Variants in WDR82 observed in about 807,000 individuals in gnomAD.
WDR82 encodes the protein WD repeat-containing protein 82.
Under a neutral mutation model 36.1 loss-of-function variants are expected in WDR82, and 8 were observed. That is an observed-to-expected ratio of 0.22 (90% CI 0.13 to 0.40). The LOEUF is 0.40. Among genes scored for constraint, WDR82 ranks in the 10% least tolerant of loss-of-function variants. The probability of loss-of-function intolerance (pLI) is 1.00; values close to 1 mark genes in which losing one functional copy is unlikely to be tolerated. For missense variants in WDR82, 185 were observed against 400.5 expected, an observed-to-expected ratio of 0.46 and a Z score of 4.59; for synonymous variants, 129 against 137.8, an observed-to-expected ratio of 0.94 and a Z score of 0.45.
At chr3:52,263,262 G>A (rs1419900124) in intron 3 of WDR82, among the ~76,000 whole-genome samples, 3 of 152,172 alleles carry the variant, frequency 2.0e-5, no homozygotes, top group East Asian at 1.9e-4. Flanking sequence ...GACCCCGACC[G>A]TAAGGAATTT....
rs1345923828 is a variant in WDR82, at chr3:52,278,614, G to C, written c.-253C>G. ...ACAACCGGCGCGTCGCCGGCTCATTGTGTCCGCCATTTTGGGGCGACAGGC... is the reference window on the plus strand; with the variant it reads ...ACAACCGGCGCGTCGCCGGCTCATTCTGTCCGCCATTTTGGGGCGACAGGC... On this transcript the variant is annotated 5_prime_UTR_variant, in exon 1 of 9. Coordinates refer to ENST00000296490, the MANE Select transcript of WDR82 (RefSeq NM_025222.4). 5.0e-6 allele frequency: 2 copies of C among 399,984 alleles called. No individual in the cohort carries two copies. Among genetic ancestry groups the C allele is most frequent in the Non-Finnish European group, 8.8e-6 (2 of 227,704 alleles). The allele number at this position is 399,984 out of a possible 1,614,324, so 24.8% of individuals were successfully genotyped here. A position where few individuals can be genotyped will look rare whatever the true frequency, so the allele number is the denominator to read the frequency against.
intron 3 of WDR82, among the ~76,000 whole-genome samples, chr3:52,264,662 G>A (rs1481758158): frequency 6.6e-6 from 1 of 152,014 alleles, no homozygotes; most frequent in Admixed American, 6.6e-5. Flanking sequence ...AGGCAACAAA[G>A]GAAAGGCCAA....
intron 3 of WDR82, among the ~76,000 whole-genome samples, chr3:52,265,090 C>T (rs907697530): frequency 2.6e-5 from 4 of 151,654 alleles, no homozygotes; most frequent in Non-Finnish European, 5.9e-5. Context: ...CTGAGGCGGG[C>T]GGATCAGGGA....
At chr3:52,260,979 G>C (rs997959474) in intron 4 of WDR82, among the ~76,000 whole-genome samples, 1 of 152,174 alleles carries the variant, frequency 6.6e-6, no homozygotes, top group African/African-American at 2.4e-5. Flanking sequence ...TACAAAATTA[G>C]CCAGACATGG....
chr3:52,273,164 C>T (rs894518576), intron 1 of WDR82, among the ~76,000 whole-genome samples: 2 of 152,224 alleles, frequency 1.3e-5, no homozygotes, highest in African/African-American at 4.8e-5. Context: ...GGCGCAGTGG[C>T]TCACGCCTGT....
At chr3:52,267,838 A>G (rs1469926729) in intron 2 of WDR82, 1 of 154,434 alleles carries the variant, frequency 6.5e-6, no homozygotes, top group Non-Finnish European at 1.4e-5. Context: ...ATAGAAAAGT[A>G]TTATCCCCTT....
At chr3:52,272,068 C>CTGTATT (rs1700159133) in intron 1 of WDR82, among the ~76,000 whole-genome samples, 1 of 152,102 alleles carries the variant, frequency 6.6e-6, no homozygotes, top group Non-Finnish European at 1.5e-5. Flanking sequence ...ACAGCCTCTG[C>CTGTATT]GACAGAGTGA....
rs1699990806 is a variant in WDR82 at position 52,254,906 on chromosome 3, C to T, written c.*2584G>A. 2 of 152,134 alleles carry T rather than the reference C, an allele frequency of 1.3e-5. No homozygotes were observed. 9.4% of individuals were successfully genotyped at this position (152,134 alleles called of 1,614,324 possible). A position where few individuals can be genotyped will look rare whatever the true frequency, so the allele number is the denominator to read the frequency against. ...CTTAATTCAGGAGGCAGCTTTGCAA[C>T]CACAGGGCCCAACGATAGAGACTGT... On this transcript the variant is annotated 3_prime_UTR_variant, in exon 9 of 9. Coordinates refer to ENST00000296490, the MANE Select transcript of WDR82 (RefSeq NM_025222.4).
At chr3:52,269,107 G>A (rs764638480) in intron 2 of WDR82, among the ~76,000 whole-genome samples, 2 of 152,160 alleles carry the variant, frequency 1.3e-5, no homozygotes, top group Admixed American at 6.5e-5. Flanking sequence ...GAGCCACTAT[G>A]TAGCCACCGG....
Position 52,261,852 on chromosome 3 carries a change from G to C in WDR82, c.327-373C>G, listed in dbSNP as rs143735368. On this transcript the variant is annotated intron_variant, in intron 3 of 8. Coordinates refer to ENST00000296490, the MANE Select transcript of WDR82 (RefSeq NM_025222.4). The stretch of plus-strand genomic sequence containing the variant: ...ATGTAAAAATGGTACAGTTGCTTTG[G>C]AAAAGTTTTTCCAAAAAAAGTTACC... Among the ~76,000 whole-genome samples, 603 of 152,184 alleles carry C rather than the reference G, an allele frequency of 4.0e-3. 5 individuals carry two copies. Among genetic ancestry groups the C allele is most frequent in the South Asian group, 0.023 (113 of 4,824 alleles).
intron 2 of WDR82, chr3:52,268,392 A>T (rs1227005241): frequency 4.2e-6 from 2 of 471,074 alleles, no homozygotes; most frequent in Admixed American, 4.7e-5. Context: ...GGAGCGCTGG[A>T]GGAACTCTTC....
chr3:52,270,909 AGGATTTTT>A (rs1700147518), intron 1 of WDR82, 100 bp from the exon 2 acceptor site: 5 of 876,692 alleles, frequency 5.7e-6, no homozygotes, highest in Non-Finnish European at 8.6e-6. Context: ...GGCAAAGGTG[AGGATTTTT>A]GGTAAGTTCT....
chr3:52,254,662 C>T lies in WDR82; in HGVS notation c.*2828G>A, dbSNP rs1276174147. The stretch of plus-strand genomic sequence containing the variant: ...CCTTAATAAGCAGTAATTATAATTA[C>T]AACGGGAAATAATTTCTTTAAGTAC... On this transcript the variant is annotated 3_prime_UTR_variant, in exon 9 of 9. Coordinates refer to ENST00000296490, the MANE Select transcript of WDR82 (RefSeq NM_025222.4). The T allele has an allele frequency of 1.3e-5, 2 of 152,530 alleles. No homozygotes were observed. 9.4% of individuals were successfully genotyped at this position (152,530 alleles called of 1,614,324 possible). A position where few individuals can be genotyped will look rare whatever the true frequency, so the allele number is the denominator to read the frequency against.
intron 6 of WDR82, 61 bp from the exon 7 acceptor site, chr3:52,259,327 A>G (rs1700039666): frequency 6.7e-7 from 1 of 1,498,218 alleles, no homozygotes; most frequent in Non-Finnish European, 9.3e-7. Flanking sequence ...ACAGCTGCCT[A>G]CAAACACTGA....
At chr3:52,267,135 G>T in intron 2 of WDR82, 117 bp from the exon 3 acceptor site, 1 of 751,074 alleles carries the variant, frequency 1.3e-6, no homozygotes, top group Non-Finnish European at 2.2e-6. Context: ...TCCCAAGCAA[G>T]GCATGAATAA....
At position 52,259,686 on chromosome 3, in the gene WDR82, A is replaced by C. The variant is rs572323470; in HGVS notation, c.699+31T>G. 4.4e-6 allele frequency: 7 copies of C among 1,595,990 alleles called. No individual in the cohort carries two copies. In the African/African-American group the frequency reaches 8.1e-5, roughly 18 times the overall value. On this transcript the variant is annotated intron_variant, in intron 6 of 8. Coordinates refer to ENST00000296490, the MANE Select transcript of WDR82 (RefSeq NM_025222.4). ...CTTAGCATAGGAAGTATGAGCATGG[A>C]AACAGCCATGCTTGAAGGCTGTCAG...
intron 1 of WDR82, among the ~76,000 whole-genome samples, chr3:52,272,005 C>G (rs1428349764): frequency 6.6e-6 from 1 of 151,606 alleles, no homozygotes; most frequent in Non-Finnish European, 1.5e-5. Context: ...CAGGAGAATT[C>G]CTTGAACCCA....
intron 3 of WDR82, among the ~76,000 whole-genome samples, chr3:52,262,464 T>C (rs1340699466): frequency 6.6e-6 from 1 of 152,208 alleles, no homozygotes; most frequent in Non-Finnish European, 1.5e-5. Flanking sequence ...ACTACACAGA[T>C]ATTCTCAAAC....
At chr3:52,265,299 C>CA (rs869189597) in intron 3 of WDR82, among the ~76,000 whole-genome samples, 759 of 43,802 alleles carry the variant, frequency 0.017, 214 homozygotes, top group Non-Finnish European at 0.022. Flanking sequence ...GACTCTGTCT[C>CA]AAAAAAAAAA....
Sources: gnomAD v4.1 joint callset for allele counts (sites outside exome capture counted in the v4.1 genomes callset) on GRCh38, gnomAD v4.1.1 for gene constraint, MANE v1.5 for transcripts, NCBI Gene and HGNC (gene_info 2026-07-23, HGNC 2026-07-21) for gene names.